The following GRM7 variants were observed in gnomAD, a reference collection of about 807,000 sequenced individuals.
The protein encoded by GRM7 is metabotropic glutamate receptor 7.
A neutral mutation model predicts 84.5 loss-of-function variants in GRM7; 35 were observed. The observed-to-expected ratio is 0.41, with a 90% confidence interval of 0.32 to 0.55. The LOEUF (loss-of-function observed/expected upper bound fraction) is 0.55, where lower values mean the gene tolerates loss of function less well. Ranked by LOEUF, GRM7 falls within the 20% of genes least tolerant of loss-of-function variation. GRM7 has a pLI of 0.19. For synonymous variants in GRM7, 487 were observed against 455.1 expected, an observed-to-expected ratio of 1.07 and a Z score of -0.89; for missense variants, 1,003 against 1,194.6, an observed-to-expected ratio of 0.84 and a Z score of 2.36.
intron 1 of GRM7, among the ~76,000 whole-genome samples, chr3:7,145,780 A>T (rs1161939581): frequency 6.6e-6 from 1 of 152,176 alleles, no homozygotes; most frequent in Non-Finnish European, 1.5e-5. Flanking sequence ...CCACTCAGAC[A>T]GTACTGCCAG....
At chr3:7,187,731 GGGGTCATT>G (rs1296204985) in intron 2 of GRM7, among the ~76,000 whole-genome samples, 2 of 152,272 alleles carry the variant, frequency 1.3e-5, no homozygotes, top group East Asian at 3.9e-4. Context: ...TAGTAATTTT[GGGGTCATT>G]GGGTCATTGA....
chr3:7,548,346 T>C (rs796636), intron 7 of GRM7, among the ~76,000 whole-genome samples: 104,333 of 152,124 alleles, frequency 0.69, 36,167 homozygotes, highest in African/African-American at 0.76. Context: ...CTTTGCCTTC[T>C]GCCCTGAGTG....
intron 4 of GRM7, among the ~76,000 whole-genome samples, chr3:7,407,219 G>A (rs1423512842): frequency 2.6e-5 from 4 of 152,308 alleles, no homozygotes; most frequent in Non-Finnish European, 1.5e-5. Context: ...TCCACTGTGC[G>A]CTTATTTATC....
chr3:7,303,014 C>G (rs1361072669), intron 3 of GRM7, among the ~76,000 whole-genome samples: 1 of 147,278 alleles, frequency 6.8e-6, no homozygotes, highest in Non-Finnish European at 1.5e-5. Context: ...GATCTCAGCT[C>G]ACTGAAAGCT....
At chr3:7,572,744 C>A (rs1374691289) in intron 7 of GRM7, among the ~76,000 whole-genome samples, 1 of 147,636 alleles carries the variant, frequency 6.8e-6, no homozygotes, top group Admixed American at 6.9e-5. Flanking sequence ...ATGGTGTGAA[C>A]CTGGAAGGCG....
At chr3:7,063,512 G>T (rs1697506315) in intron 1 of GRM7, among the ~76,000 whole-genome samples, 1 of 151,688 alleles carries the variant, frequency 6.6e-6, no homozygotes, top group African/African-American at 2.4e-5. Context: ...TAATTTCCCA[G>T]TTCTTGAAGG....
At chr3:7,125,499 A>C (rs1693370078) in intron 1 of GRM7, among the ~76,000 whole-genome samples, 1 of 152,218 alleles carries the variant, frequency 6.6e-6, no homozygotes, top group South Asian at 2.1e-4. Flanking sequence ...CCTTTGCATA[A>C]CAAATTTTTA....
intron 8 of GRM7, among the ~76,000 whole-genome samples, chr3:7,645,118 C>G (rs1264534015): frequency 1.3e-5 from 2 of 152,114 alleles, no homozygotes; most frequent in East Asian, 3.9e-4. Context: ...TGAGCCTTGC[C>G]TACCACCAGA....
intron 8 of GRM7, among the ~76,000 whole-genome samples, chr3:7,609,842 CT>C: frequency 6.6e-6 from 1 of 152,184 alleles, no homozygotes; most frequent in South Asian, 2.1e-4. Flanking sequence ...ACAACCACTC[CT>C]TTAAAGAAGG....
At chr3:7,005,209 C>T (rs1423391858) in intron 1 of GRM7, among the ~76,000 whole-genome samples, 1 of 152,192 alleles carries the variant, frequency 6.6e-6, no homozygotes, top group Non-Finnish European at 1.5e-5. Context: ...TGGGCCTACT[C>T]AGTAGTTCCT....
chr3:6,980,123 C>T (rs1694141918), intron 1 of GRM7, among the ~76,000 whole-genome samples: 1 of 152,124 alleles, frequency 6.6e-6, no homozygotes, highest in Non-Finnish European at 1.5e-5. Flanking sequence ...TATTTCCTTC[C>T]TTTCTGCCTT....
In GRM7 at chr3:7,344,967, T is replaced by C. The variant is rs553204970; in HGVS notation, c.1033+38315T>C. Among the ~76,000 whole-genome samples, 4 of 152,298 alleles carry C rather than the reference T, an allele frequency of 2.6e-5. No homozygotes were observed. In the South Asian group the frequency reaches 6.2e-4, roughly 24 times the overall value. On this transcript the variant is annotated intron_variant, in intron 4 of 9. Coordinates refer to ENST00000357716, the MANE Select transcript of GRM7 (RefSeq NM_000844.4). ...TGTTAAATGTTTGAGGTGATAGATATGCTAATTATTCTGATTTGATCATTA... is the reference window on the plus strand; with the variant it reads ...TGTTAAATGTTTGAGGTGATAGATACGCTAATTATTCTGATTTGATCATTA...
chr3:7,448,409 C>T (rs1428785361), intron 5 of GRM7, among the ~76,000 whole-genome samples: 1 of 152,126 alleles, frequency 6.6e-6, no homozygotes, highest in Non-Finnish European at 1.5e-5. Flanking sequence ...CCAGTTCTTG[C>T]AGAGGAGATT....
At chr3:7,306,940 A>G (rs1700214955) in intron 4 of GRM7, among the ~76,000 whole-genome samples, 1 of 152,214 alleles carries the variant, frequency 6.6e-6, no homozygotes, top group Admixed American at 6.5e-5. Context: ...ATTATCATTA[A>G]TAAGTAAAGT....
At chr3:7,409,046 T>C (rs541405995) in intron 4 of GRM7, among the ~76,000 whole-genome samples, 16 of 152,348 alleles carry the variant, frequency 1.1e-4, no homozygotes, top group African/African-American at 3.8e-4. Flanking sequence ...TTCTGGACTT[T>C]CTGTTCTGTT....
At chr3:7,722,448 CT>C (rs34076976) in intron 9 of GRM7, among the ~76,000 whole-genome samples, 109,887 of 136,400 alleles carry the variant, frequency 0.81, 44,320 homozygotes, top group African/African-American at 0.9. Context: ...ATCCTTGTGT[CT>C]TTTTTTTTTT....
rs184827441 is a variant in GRM7 at position 7,222,650 on chromosome 3, T to G, written c.736+75982T>G. ...CTGACAGCCTTCTGACCTACAGAACTGTGAAATAGTAAATGTTTGGTTTTT... is the reference window on the plus strand; with the variant it reads ...CTGACAGCCTTCTGACCTACAGAACGGTGAAATAGTAAATGTTTGGTTTTT... On this transcript the variant is annotated intron_variant, in intron 2 of 9. Transcript: ENST00000357716. 7.9e-5 allele frequency among the ~76,000 whole-genome samples: 12 copies of G among 152,316 alleles called. 1 individual carries two copies. In the East Asian group the frequency reaches 2.3e-3, roughly 29 times the overall value.
At chr3:6,973,584 T>A (rs192216081) in intron 1 of GRM7, among the ~76,000 whole-genome samples, 36 of 152,140 alleles carry the variant, frequency 2.4e-4, no homozygotes, top group Admixed American at 2.3e-3. Flanking sequence ...GGAATGTGGG[T>A]TTCATGACCA....
intron 4 of GRM7, among the ~76,000 whole-genome samples, chr3:7,400,041 C>T (rs1466349569): frequency 6.6e-6 from 1 of 152,128 alleles, no homozygotes; most frequent in Non-Finnish European, 1.5e-5. Context: ...ACCTAGAAAT[C>T]GTTAAGGCTC....
Sources: gnomAD v4.1 joint callset for allele counts (sites outside exome capture counted in the v4.1 genomes callset) on GRCh38, gnomAD v4.1.1 for gene constraint, MANE v1.5 for transcripts, NCBI Gene and HGNC (gene_info 2026-07-23, HGNC 2026-07-21) for gene names.